Variants in NUP188 observed in about 807,000 individuals in gnomAD.
NUP188 encodes the protein nucleoporin 188, also known as nucleoporin NUP188.
A neutral mutation model predicts 223.0 loss-of-function variants in NUP188; 97 were observed. The ratio of observed to expected loss-of-function variants is 0.43; its 90% confidence interval spans 0.37 to 0.51. NUP188 has a LOEUF of 0.51. Ranked by LOEUF, NUP188 falls within the 20% of genes least tolerant of loss-of-function variation. NUP188 has a pLI of 0.00. For synonymous variants in NUP188, 869 were observed against 828.0 expected, an observed-to-expected ratio of 1.05 and a Z score of -0.85; for missense variants, 1,947 against 2,175.6, an observed-to-expected ratio of 0.89 and a Z score of 2.09.
In NUP188 at chr9:129,001,935, C is replaced by T; in HGVS notation, c.4096C>T (p.Leu1366Phe). The T allele has an allele frequency of 6.2e-7, 1 of 1,614,208 alleles. No homozygotes were observed. The change falls in exon 36 of 44, where the codon CTT becomes TTT. Residue 1366 changes from leucine to phenylalanine, a missense_variant. Coordinates refer to ENST00000372577, the MANE Select transcript of NUP188 (RefSeq NM_015354.3). Reference protein sequence around the residue: ...AGITQSICLPLLSVYQLSTNG... With the variant: ...AGITQSICLPFLSVYQLSTNG... ...CATCACCCAGAGCATTTGTTTGCCC[C>T]TTCTGAGTGTGTACCAGCTGAGCAC...
chr9:128,999,339 A>G, intron 33 of NUP188, 22 bp downstream of exon 33: 1 of 1,610,516 alleles, frequency 6.2e-7, no homozygotes. Flanking sequence ...AGGCAGGGGG[A>G]GCAGCAGCTG....
chr9:128,980,784 AG>A, intron 14 of NUP188, 59 bp downstream of exon 14: 1 of 1,576,566 alleles, frequency 6.3e-7, no homozygotes, highest in Non-Finnish European at 8.7e-7. Flanking sequence ...AGACTTTATT[AG>A]GAATCTTTTT....
rs866403134 is a variant in NUP188, at chr9:128,988,157, C to A, written c.2504C>A (p.Ser835Tyr). The A allele has an allele frequency of 6.2e-7, 1 of 1,613,880 alleles. No individual in the cohort carries two copies. Among genetic ancestry groups the A allele is most frequent in the Non-Finnish European group, 8.5e-7 (1 of 1,179,826 alleles). ...IRLKPPSNVV[S>Y]PLEQALSQHG... Reference sequence around the variant, plus strand: ...CTGAAACCTCCTTCTAATGTGGTGTCCCCCCTGGAACAGGCTCTCTCACAA... The same window carrying A: ...CTGAAACCTCCTTCTAATGTGGTGTACCCCCTGGAACAGGCTCTCTCACAA... The change falls in exon 24 of 44, where the codon TCC (serine) becomes TAC (tyrosine). Residue 835 changes from serine (S) to tyrosine (Y), a missense_variant. Transcript: ENST00000372577.
Position 128,947,716 on chromosome 9 carries a change from G to A in NUP188, c.-4G>A. 6.8e-7 allele frequency: 1 copy of A among 1,472,586 alleles called. No individual in the cohort carries two copies. Among genetic ancestry groups the A allele is most frequent in the Non-Finnish European group, 9.0e-7 (1 of 1,114,566 alleles). The allele number at this position is 1,472,586 out of a possible 1,614,324, so 91.2% of individuals were successfully genotyped here. On this transcript the variant is annotated 5_prime_UTR_variant, in exon 1 of 44. Coordinates refer to ENST00000372577, the MANE Select transcript of NUP188 (RefSeq NM_015354.3). ...GCGGGGTTAGGGCGAGCGGGCGCGC[G>A]AAGATGGCGGCGGCCGCCGGCGGGC...
At position 128,974,382 on chromosome 9, in the gene NUP188, G is replaced by GGTT. The variant is rs770260190; in HGVS notation, c.1203+1140_1203+1142dup. Among the ~76,000 whole-genome samples the GGTT allele has an allele frequency of 4.6e-4, 69 of 148,542 alleles. 1 individual carries two copies. The highest frequency in any genetic ancestry group is 7.1e-4 in the Non-Finnish European group (48 of 67,558). On this transcript the variant is annotated intron_variant, in intron 12 of 43. Transcript: ENST00000372577. ...TGGTGCTAGTAAGTCTTCTGCAGCA[G>GGTT]GTTGTTGTTTTTTTTTTTTTTTTTT...
In NUP188 at chr9:128,983,526, T is replaced by C. The variant is rs1564559778; in HGVS notation, c.1937T>C (p.Val646Ala). 6.2e-7 allele frequency: 1 copy of C among 1,614,078 alleles called. No homozygotes were observed. ...TGFLPFVAHP[V>A]SSLSQMISAE... ...TTTTTACCATTTGTGGCCCATCCTG[T>C]CTCCAGCCTGAGTCAGATGATTAGG... is the stretch of plus-strand genomic sequence containing the variant. Residue 646 changes from valine to alanine, a missense_variant, in exon 19 of 44, where the codon GTC (valine) becomes GCC (alanine). By Grantham distance (64) the Val-to-Ala change is moderately conservative. This residue lies in a region of NUP188 where 817 missense variants were observed against 865.8 expected (regional missense o/e 0.94). Transcript: ENST00000372577.
intron 28 of NUP188, 105 bp downstream of exon 28, chr9:128,994,547 A>G: frequency 1.2e-6 from 1 of 800,708 alleles, no homozygotes; most frequent in Non-Finnish European, 2.1e-6. Flanking sequence ...TAATTAAACA[A>G]CAGAATGTTC....
chr9:128,982,824 G>T, intron 16 of NUP188, 78 bp from the exon 17 acceptor site: 1 of 1,594,670 alleles, frequency 6.3e-7, no homozygotes. Flanking sequence ...TCTGATTTGT[G>T]TATCTGGGTC....
intron 4 of NUP188, 150 bp downstream of exon 4, chr9:128,956,584 G>T (rs989593237): frequency 1.8e-6 from 1 of 556,750 alleles, no homozygotes. Context: ...CTCCCTAAAA[G>T]TTACAAGTCA....
rs774514245 is a variant in NUP188, at chr9:128,983,376, C to T, written c.1880C>T (p.Ala627Val). 1 of 1,614,142 alleles carries T rather than the reference C, an allele frequency of 6.2e-7. No homozygotes were observed. Among genetic ancestry groups the T allele is most frequent in the Admixed American group, 1.7e-5 (1 of 60,024 alleles). ...ACTGTTTTGGCTGCCCGCAATCCAGCAAAGGTGAGATGCCAGATCTTCCCA... is the reference window on the plus strand; with the variant it reads ...ACTGTTTTGGCTGCCCGCAATCCAGTAAAGGTGAGATGCCAGATCTTCCCA... ...CLTVLAARNP[A>V]KVWTDLRHTG... The change falls in exon 18 of 44, where the codon GCA becomes GTA. Residue 627 changes from alanine to valine, a missense_variant. Ala to Val is a moderately conservative substitution (Grantham distance 64, BLOSUM62 0). Transcript: ENST00000372577.
intron 12 of NUP188, among the ~76,000 whole-genome samples, chr9:128,978,722 T>C (rs1842214247): frequency 6.6e-6 from 1 of 152,052 alleles, no homozygotes; most frequent in Non-Finnish European, 1.5e-5. Flanking sequence ...TGTTTGTTTG[T>C]TTTTTGAGAC....
At chr9:128,987,112 T>A (rs1406342715) in intron 22 of NUP188, among the ~76,000 whole-genome samples, 6 of 151,676 alleles carry the variant, frequency 4.0e-5, no homozygotes, top group African/African-American at 7.3e-5. Flanking sequence ...TGTGTGTGTG[T>A]GTGTGTGTGT....
At chr9:128,978,609 C>G (rs1842212467) in intron 12 of NUP188, among the ~76,000 whole-genome samples, 1 of 151,302 alleles carries the variant, frequency 6.6e-6, no homozygotes, top group South Asian at 2.1e-4. Flanking sequence ...ACCCACTCAC[C>G]CAGAATTCTT....
chr9:128,971,721 G>C (rs1249677633), intron 11 of NUP188, among the ~76,000 whole-genome samples: 2 of 150,306 alleles, frequency 1.3e-5, no homozygotes, highest in Admixed American at 6.6e-5. Flanking sequence ...CCCAGCTAGT[G>C]AGCTCGTTTT....
intron 20 of NUP188, 75 bp downstream of exon 20, chr9:128,985,089 C>G: frequency 1.0e-6 from 1 of 985,114 alleles, no homozygotes; most frequent in Non-Finnish European, 1.6e-6. Context: ...GAAATAGTTT[C>G]CCTGGCCCCT....
chr9:129,004,791 C>T lies in NUP188; in HGVS notation c.4435-356C>T, dbSNP rs185958289. On this transcript the variant is annotated intron_variant, in intron 38 of 43. Transcript: ENST00000372577. ...GTGCTGGGATTACAGGCATGAGCCA[C>T]CGCACCCGGCCTCATCTTCTTTACT... is the stretch of plus-strand genomic sequence containing the variant. The T allele has an allele frequency of 5.0e-4, 125 of 251,532 alleles. No individual in the cohort carries two copies. In the East Asian group the frequency reaches 7.9e-3, roughly 16 times the overall value. The allele number at this position is 251,532 out of a possible 1,614,324, so 15.6% of individuals were successfully genotyped here.
At chr9:129,002,232 C>T (rs1842684293) in intron 36 of NUP188, among the ~76,000 whole-genome samples, 1 of 152,210 alleles carries the variant, frequency 6.6e-6, no homozygotes, top group Non-Finnish European at 1.5e-5. Flanking sequence ...GAAGACTAAA[C>T]CAGATTGATA....
At chr9:128,987,996 G>A (rs751326414) in intron 23 of NUP188, 51 bp from the exon 24 acceptor site, 128 of 1,593,360 alleles carry the variant, frequency 8.0e-5, no homozygotes, top group Non-Finnish European at 1.1e-4. Context: ...CATATATTGC[G>A]AATGAAGTCA....
chr9:128,983,778 A>T (rs1261828169), intron 19 of NUP188, among the ~76,000 whole-genome samples: 1 of 151,448 alleles, frequency 6.6e-6, no homozygotes, highest in Non-Finnish European at 1.5e-5. Context: ...TATAGGCTCG[A>T]GCCACCACGC....
Sources: gnomAD v4.1 joint callset for allele counts (sites outside exome capture counted in the v4.1 genomes callset) on GRCh38, gnomAD v4.1.1 for gene constraint, gnomAD v4.1.1 regional missense constraint, MANE v1.5 for transcripts, NCBI Gene and HGNC (gene_info 2026-07-23, HGNC 2026-07-21) for gene names.